FBXO25: variants seen among roughly 807,000 people sequenced by gnomAD.
The protein encoded by FBXO25 is F-box only protein 25.
A neutral mutation model predicts 51.9 loss-of-function variants in FBXO25; 45 were observed. The ratio of observed to expected loss-of-function variants is 0.87; its 90% confidence interval spans 0.68 to 1.11. FBXO25 has a LOEUF of 1.11. Among genes scored for constraint, FBXO25 ranks in the 50% most tolerant of loss-of-function variants. The pLI is 0.00. For missense variants in FBXO25, 507 were observed against 428.5 expected (o/e 1.18, Z -1.62); for synonymous variants, 199 against 151.0 (o/e 1.32, Z -2.33).
intron 7 of FBXO25, among the ~76,000 whole-genome samples, chr8:452,992 C>T (rs1450280422): frequency 6.6e-6 from 1 of 152,162 alleles, no homozygotes; most frequent in African/African-American, 2.4e-5. Context: ...CCCCAGCTTG[C>T]CCCACTCAGT....
At chr8:436,158 C>G (rs1423902864) in intron 5 of FBXO25, among the ~76,000 whole-genome samples, 4 of 152,160 alleles carry the variant, frequency 2.6e-5, no homozygotes, top group Non-Finnish European at 4.4e-5. Context: ...AAATAGAATT[C>G]CACAAAAGCC....
chr8:466,600 G>A (rs1406896603), intron 9 of FBXO25, among the ~76,000 whole-genome samples: 2 of 152,126 alleles, frequency 1.3e-5, no homozygotes, highest in African/African-American at 2.4e-5. Flanking sequence ...GTCATGAGCC[G>A]ACACCATGGT....
rs1413408118 is a variant in FBXO25 at position 444,576 on chromosome 8, C to G, written c.382-5414C>G. On this transcript the variant is annotated intron_variant, in intron 5 of 9. Transcript: ENST00000350302. ...TGATGTGTGAAAAAAAATACAGATTCTCTATTTGAAGGATGTACTTTCTTT... is the reference window on the plus strand; with the variant it reads ...TGATGTGTGAAAAAAAATACAGATTGTCTATTTGAAGGATGTACTTTCTTT... Among the ~76,000 whole-genome samples the G allele has an allele frequency of 2.6e-5, 4 of 152,032 alleles. No homozygotes were observed. In the East Asian group the frequency reaches 7.7e-4, roughly 29 times the overall value.
Position 470,186 on chromosome 8 carries a change from C to T in FBXO25, c.*1382C>T, listed in dbSNP as rs1467704603. On this transcript the variant is annotated 3_prime_UTR_variant, in exon 10 of 10. Coordinates refer to ENST00000350302, the MANE Select transcript of FBXO25 (RefSeq NM_183420.2). ...GATGGAACAGGCTTTTTCATCACAA[C>T]ATATTGGGGTTCCTGAGTGTCTCGC... is the stretch of plus-strand genomic sequence containing the variant. 6.6e-6 allele frequency: 1 copy of T among 152,124 alleles called. No individual in the cohort carries two copies. Among genetic ancestry groups the T allele is most frequent in the Non-Finnish European group, 1.5e-5 (1 of 68,024 alleles). 9.4% of individuals were successfully genotyped at this position (152,124 alleles called of 1,614,324 possible).
Position 473,561 on chromosome 8 carries a change from C to G in FBXO25, c.*4757C>G, listed in dbSNP as rs1043999818. The G allele has an allele frequency of 1.3e-5, 2 of 152,244 alleles. No individual in the cohort carries two copies. The highest frequency in any genetic ancestry group is 4.8e-5 in the African/African-American group (2 of 41,428). The allele number at this position is 152,244 out of a possible 1,614,324, so 9.4% of individuals were successfully genotyped here. A position where few individuals can be genotyped will look rare whatever the true frequency, so the allele number is the denominator to read the frequency against. On this transcript the variant is annotated 3_prime_UTR_variant, in exon 10 of 10. Transcript: ENST00000350302. ...AGTTGTCCTTTTTGTACTTGGTCCTCTTCCTTCCAATCCTCACTGGCTCAA... is the reference window on the plus strand; with the variant it reads ...AGTTGTCCTTTTTGTACTTGGTCCTGTTCCTTCCAATCCTCACTGGCTCAA...
intron 8 of FBXO25, among the ~76,000 whole-genome samples, chr8:460,654 G>A (rs1164291298): frequency 3.3e-5 from 5 of 152,216 alleles, no homozygotes; most frequent in African/African-American, 1.2e-4. Flanking sequence ...TATTCAGGAG[G>A]AAAACCATGG....
chr8:430,347 C>G (rs1797751842), intron 2 of FBXO25, among the ~76,000 whole-genome samples: 1 of 152,204 alleles, frequency 6.6e-6, no homozygotes, highest in Non-Finnish European at 1.5e-5. Context: ...GTATGTTTTT[C>G]AAATGTGCTT....
chr8:446,951 A>G lies in FBXO25; in HGVS notation c.382-3039A>G, dbSNP rs180840370. On this transcript the variant is annotated intron_variant, in intron 5 of 9. Coordinates refer to ENST00000350302, the MANE Select transcript of FBXO25 (RefSeq NM_183420.2). The stretch of plus-strand genomic sequence containing the variant: ...ATGAAAAAACTCCATTTTCAGAGAA[A>G]TAAGAGGCAGATGCAATTCACAGAC... Among the ~76,000 whole-genome samples, 1,124 of 152,334 alleles carry G rather than the reference A, an allele frequency of 7.4e-3. 10 individuals carry two copies. The highest frequency in any genetic ancestry group is 0.026 in the African/African-American group (1,064 of 41,568).
intron 6 of FBXO25, 136 bp from the exon 7 acceptor site, chr8:451,133 A>G: frequency 1.5e-6 from 1 of 663,400 alleles, no homozygotes. Flanking sequence ...GGGCTGAATA[A>G]TATTCTATTG....
intron 5 of FBXO25, among the ~76,000 whole-genome samples, chr8:438,116 A>C (rs965299923): frequency 6.6e-6 from 1 of 150,552 alleles, no homozygotes; most frequent in Non-Finnish European, 1.5e-5. Context: ...GTGCAGTGGC[A>C]CGATCTCTGC....
intron 5 of FBXO25, among the ~76,000 whole-genome samples, chr8:439,115 C>A (rs911726663): frequency 6.6e-6 from 1 of 152,228 alleles, no homozygotes; most frequent in African/African-American, 2.4e-5. Context: ...TACCCAAAAG[C>A]TGTCTGGAGG....
At chr8:420,593 A>G (rs1797088467) in intron 2 of FBXO25, 1 of 152,216 alleles carries the variant, frequency 6.6e-6, no homozygotes, top group Admixed American at 6.5e-5. Context: ...GGAGAATACC[A>G]CTCAAAAGTC....
At chr8:463,641 T>C (rs1353747451) in intron 9 of FBXO25, among the ~76,000 whole-genome samples, 1 of 152,258 alleles carries the variant, frequency 6.6e-6, no homozygotes, top group African/African-American at 2.4e-5. Context: ...AGAGAAGTCC[T>C]AGATTTTAAA....
intron 7 of FBXO25, among the ~76,000 whole-genome samples, chr8:453,308 T>C (rs1424404219): frequency 6.6e-6 from 1 of 152,206 alleles, no homozygotes; most frequent in Non-Finnish European, 1.5e-5. Context: ...GGTTGCATGC[T>C]GCCTGGCATC....
chr8:407,316 C>T, intron 1 of FBXO25: 8 of 969,830 alleles, frequency 8.2e-6, no homozygotes, highest in Non-Finnish European at 9.8e-6. Flanking sequence ...GGGGTTGTCG[C>T]GGGCGCGTCA....
chr8:457,454 G>A (rs1412143550), intron 7 of FBXO25, among the ~76,000 whole-genome samples: 9 of 152,182 alleles, frequency 5.9e-5, no homozygotes, highest in Non-Finnish European at 1.0e-4. Context: ...TATCTTCTGA[G>A]GGCAGATGCA....
rs200378033 is a variant in FBXO25 at position 467,715 on chromosome 8, C to T, written c.988-1000C>T. The T allele has an allele frequency of 9.3e-6, 15 of 1,613,936 alleles. No individual in the cohort carries two copies. The East Asian group carries it at 1.1e-4, about 12-fold the overall frequency. On this transcript the variant is annotated intron_variant, in intron 9 of 9. Coordinates refer to ENST00000350302, the MANE Select transcript of FBXO25 (RefSeq NM_183420.2). The stretch of plus-strand genomic sequence containing the variant: ...CTTCCTGATTCTTTCTTCATGATCT[C>T]GAAGGACTACCATCTTGCTTTACTA...
At chr8:409,856 G>A (rs1466181141) in intron 1 of FBXO25, among the ~76,000 whole-genome samples, 2 of 152,124 alleles carry the variant, frequency 1.3e-5, no homozygotes, top group Non-Finnish European at 2.9e-5. Context: ...TTTAATTACT[G>A]ACAGAATAAA....
intron 5 of FBXO25, among the ~76,000 whole-genome samples, chr8:442,386 T>C (rs545825241): frequency 3.9e-5 from 6 of 152,320 alleles, no homozygotes; most frequent in African/African-American, 1.4e-4. Context: ...CTGATAGTTG[T>C]ACTGCACCTA....
Sources: allele counts gnomAD v4.1 joint callset (sites outside exome capture counted in the v4.1 genomes callset), GRCh38; gene constraint gnomAD v4.1.1; transcripts MANE v1.5; gene names NCBI Gene and HGNC (gene_info 2026-07-23, HGNC 2026-07-21).